ZC3H7A: variants seen among roughly 807,000 people sequenced by gnomAD.
ZC3H7A encodes the protein zinc finger CCCH domain-containing protein 7A.
ZC3H7A carries 44 observed loss-of-function variants against 125.5 expected under a neutral mutation model. The ratio of observed to expected loss-of-function variants is 0.35; its 90% CI spans 0.28 to 0.45. The LOEUF is 0.45. Among genes scored for constraint, ZC3H7A ranks in the 20% least tolerant of loss-of-function variants. The pLI is 1.00. For missense variants in ZC3H7A, 977 were observed against 1,170.7 expected (o/e 0.83, Z 2.41); for synonymous variants, 399 against 391.2 (o/e 1.02, Z -0.23).
intron 1 of ZC3H7A, among the ~76,000 whole-genome samples, chr16:11,793,874 G>A (rs1364570489): frequency 6.6e-6 from 1 of 152,156 alleles, no homozygotes; most frequent in Admixed American, 6.5e-5. Context: ...ACAGCAGGAA[G>A]GTAATGTTAC....
In ZC3H7A at chr16:11,758,052, GC is replaced by G. The variant is rs1345395879; in HGVS notation, c.2428+378del. Among the ~76,000 whole-genome samples, 4 of 152,124 alleles carry G rather than the reference GC, an allele frequency of 2.6e-5. No individual in the cohort carries two copies. In the East Asian group the frequency reaches 7.7e-4, roughly 29 times the overall value. On this transcript the variant is annotated intron_variant, in intron 20 of 22. Coordinates refer to ENST00000355758, the MANE Select transcript of ZC3H7A (RefSeq NM_014153.4). ...TTAGTAATGCCTCCCTGAAGAAACT[GC>G]CAATTCTAACCTGGTTAATTCAGAG...
intron 1 of ZC3H7A, among the ~76,000 whole-genome samples, chr16:11,786,319 A>G (rs1197745905): frequency 6.6e-5 from 10 of 152,180 alleles, no homozygotes; most frequent in Admixed American, 5.2e-4. Flanking sequence ...GGAACAAAAG[A>G]AAAGGATGTC....
At chr16:11,788,283 G>A (rs1471583500) in intron 1 of ZC3H7A, among the ~76,000 whole-genome samples, 2 of 151,986 alleles carry the variant, frequency 1.3e-5, no homozygotes, top group African/African-American at 2.4e-5. Flanking sequence ...TGAGAGCCCT[G>A]AGGACCCACT....
chr16:11,786,407 T>C (rs942362735), intron 1 of ZC3H7A, among the ~76,000 whole-genome samples: 14 of 152,026 alleles, frequency 9.2e-5, no homozygotes, highest in East Asian at 5.8e-4. Context: ...AGGTAGGGAA[T>C]TGGTTTGAGG....
In ZC3H7A at chr16:11,759,980, G is replaced by A. The variant is rs577058907; in HGVS notation, c.2319+1426C>T. Reference sequence around the variant, plus strand: ...AAAAAATTACAAAAATTAGCTGAGCGTGGTGGCACACGCCTGTAATCCCAG... The same window carrying A: ...AAAAAATTACAAAAATTAGCTGAGCATGGTGGCACACGCCTGTAATCCCAG... On this transcript the variant is annotated intron_variant, in intron 19 of 22. Coordinates refer to ENST00000355758, the MANE Select transcript of ZC3H7A (RefSeq NM_014153.4). 6.2e-3 allele frequency: 950 copies of A among 152,096 alleles called. 8 individuals are homozygous for A. The highest frequency in any genetic ancestry group is 0.024 in the Middle Eastern group (7 of 294). The allele number at this position is 152,096 out of a possible 1,614,324, so 9.4% of individuals were successfully genotyped here.
chr16:11,783,568 G>A (rs1429075), intron 1 of ZC3H7A, among the ~76,000 whole-genome samples: 148,174 of 152,204 alleles, frequency 0.97, 72,202 homozygotes, highest in East Asian at 1. Context: ...ACAACCAAAA[G>A]TGTCTCCAGA....
At chr16:11,768,892 G>T (rs1253450106) in intron 11 of ZC3H7A, 139 bp downstream of exon 11, 2 of 812,650 alleles carry the variant, frequency 2.5e-6, no homozygotes, top group South Asian at 3.8e-5. Flanking sequence ...AGATGTTCCA[G>T]AAGTCTTACT....
At chr16:11,783,993 G>GGGTT (rs2053214312) in intron 1 of ZC3H7A, among the ~76,000 whole-genome samples, 1 of 149,232 alleles carries the variant, frequency 6.7e-6, no homozygotes, top group Admixed American at 6.8e-5. Flanking sequence ...GGGGGGGGCT[G>GGGTT]TGAGGTGGGG....
At position 11,750,854 on chromosome 16, in the gene ZC3H7A, G is replaced by GA. The variant is rs1463909494; in HGVS notation, c.*462dup. 2 of 152,758 alleles carry GA rather than the reference G, an allele frequency of 1.3e-5. No homozygotes were observed. Among genetic ancestry groups the GA allele is most frequent in the African/African-American group, 4.8e-5 (2 of 41,418 alleles). 9.5% of individuals were successfully genotyped at this position (152,758 alleles called of 1,614,324 possible). On this transcript the variant is annotated 3_prime_UTR_variant, in exon 23 of 23. Coordinates refer to ENST00000355758, the MANE Select transcript of ZC3H7A (RefSeq NM_014153.4). ...TTATTTGGCTTAAAATCTGAGTTAA[G>GA]AAAATCCTTTTTAGCAACCTACATA...
chr16:11,791,232 G>A (rs1278342484), intron 1 of ZC3H7A, among the ~76,000 whole-genome samples: 1 of 151,772 alleles, frequency 6.6e-6, no homozygotes, highest in Non-Finnish European at 1.5e-5. Context: ...CCATCCCCAA[G>A]CCACGCAGCT....
chr16:11,765,465 G>C lies in ZC3H7A; in HGVS notation c.1719+24C>G, dbSNP rs776304295. 6.3e-7 allele frequency: 1 copy of C among 1,589,956 alleles called. No individual in the cohort carries two copies. Among genetic ancestry groups the C allele is most frequent in the South Asian group, 1.1e-5 (1 of 87,776 alleles). On this transcript the variant is annotated intron_variant, in intron 14 of 22. Transcript: ENST00000355758. The surrounding 1 kb of genome is among the most constrained non-coding windows in gnomAD (Gnocchi z 4.8). ...GGCTTGCAAATTCAACTTTACAGTGGAAAATAAGTTTTGGAGAACACACCT... is the reference window on the plus strand; with the variant it reads ...GGCTTGCAAATTCAACTTTACAGTGCAAAATAAGTTTTGGAGAACACACCT...
intron 1 of ZC3H7A, among the ~76,000 whole-genome samples, chr16:11,794,594 AG>A (rs1233599941): frequency 6.6e-6 from 1 of 152,242 alleles, no homozygotes; most frequent in Non-Finnish European, 1.5e-5. Context: ...AGAAGACAAA[AG>A]TTTGCTCACA....
chr16:11,769,606 G>C (rs2052934384), intron 10 of ZC3H7A, among the ~76,000 whole-genome samples: 1 of 149,126 alleles, frequency 6.7e-6, no homozygotes, highest in Admixed American at 6.7e-5. Context: ...AGCTACTCAG[G>C]AGGCTGAGGC....
chr16:11,788,032 C>T (rs1173747349), intron 1 of ZC3H7A, among the ~76,000 whole-genome samples: 1 of 151,666 alleles, frequency 6.6e-6, no homozygotes, highest in Non-Finnish European at 1.5e-5. Context: ...AAGAAAAAGA[C>T]GTTTAAAAAT....
rs552713128 is a variant in ZC3H7A at position 11,765,841 on chromosome 16, A to T, written c.1523-156T>A. 6.6e-6 allele frequency among the ~76,000 whole-genome samples: 1 copy of T among 152,332 alleles called. No homozygotes were observed. The highest frequency in any genetic ancestry group is 2.4e-5 in the African/African-American group (1 of 41,580). On this transcript the variant is annotated intron_variant, in intron 13 of 22. Coordinates refer to ENST00000355758, the MANE Select transcript of ZC3H7A (RefSeq NM_014153.4). The surrounding 1 kb of genome is among the most constrained non-coding windows in gnomAD (Gnocchi z 4.8). ...CACTGCACTCCAGCCTGGGCAACAG[A>T]GCAAGTCCCAGTGTCAAAATAAACA...
At chr16:11,771,230 T>C (rs2052975355) in intron 9 of ZC3H7A, among the ~76,000 whole-genome samples, 2 of 151,724 alleles carry the variant, frequency 1.3e-5, no homozygotes, top group South Asian at 4.1e-4. Flanking sequence ...TCCACTAAAA[T>C]ACAAAACATT....
rs1176340801 is a variant in ZC3H7A, at chr16:11,752,642, A to G, written c.2726+27T>C. The G allele has an allele frequency of 5.0e-6, 8 of 1,589,300 alleles. No homozygotes were observed. The South Asian group carries it at 7.9e-5, about 16-fold the overall frequency. ...AAAATTTGAGGTCAGCAATTCTGAC[A>G]TGGAAAAATTGTAGAAACCTACATA... is the stretch of plus-strand genomic sequence containing the variant. On this transcript the variant is annotated intron_variant, in intron 22 of 22. Coordinates refer to ENST00000355758, the MANE Select transcript of ZC3H7A (RefSeq NM_014153.4).
chr16:11,758,570 C>CA (rs748659449), intron 19 of ZC3H7A, 31 bp from the exon 20 acceptor site: 31 of 1,518,576 alleles, frequency 2.0e-5, no homozygotes. Flanking sequence ...ATGATTAAGA[C>CA]AAAGTACACC....
chr16:11,785,470 C>G (rs185749684), intron 1 of ZC3H7A, among the ~76,000 whole-genome samples: 1 of 152,136 alleles, frequency 6.6e-6, no homozygotes, highest in East Asian at 1.9e-4. Context: ...TGTGCCACTG[C>G]ACTCCCGCCT....
Sources: allele counts gnomAD v4.1 joint callset (sites outside exome capture counted in the v4.1 genomes callset), GRCh38; gene constraint gnomAD v4.1.1; non-coding constraint Gnocchi (gnomAD v3.1); transcripts MANE v1.5; gene names NCBI Gene and HGNC (gene_info 2026-07-23, HGNC 2026-07-21).